CCDC192: variants seen among roughly 807,000 people sequenced by gnomAD.
The protein encoded by CCDC192 is coiled-coil domain-containing protein 192.
chr5:127,895,135 T>A (rs910322046), intron 6 of CCDC192, among the ~76,000 whole-genome samples: 6 of 152,228 alleles, frequency 3.9e-5, no homozygotes, highest in African/African-American at 1.4e-4. Context: ...CTATTCTTCC[T>A]GATGGTCTCC....
At chr5:127,868,791 A>G (rs1047127160) in intron 5 of CCDC192, among the ~76,000 whole-genome samples, 9 of 152,124 alleles carry the variant, frequency 5.9e-5, no homozygotes, top group Non-Finnish European at 8.8e-5. Context: ...CTGTCAAAAA[A>G]AAAAAGAGAG....
At chr5:127,783,648 G>A (rs1236673426) in intron 3 of CCDC192, among the ~76,000 whole-genome samples, 1 of 152,140 alleles carries the variant, frequency 6.6e-6, no homozygotes, top group Non-Finnish European at 1.5e-5. Context: ...TTTGTTCCAA[G>A]GTATAGCTTA....
intron 3 of CCDC192, among the ~76,000 whole-genome samples, chr5:127,792,099 C>A (rs143465963): frequency 6.6e-6 from 1 of 152,252 alleles, no homozygotes; most frequent in East Asian, 1.9e-4. Context: ...ATTGCTTGAG[C>A]TCAGGAATTT....
chr5:127,782,240 G>A lies in CCDC192; in HGVS notation c.223-14863G>A, dbSNP rs1756269239. On this transcript the variant is annotated intron_variant, in intron 3 of 6. Coordinates refer to ENST00000514853, the MANE Select transcript of CCDC192 (RefSeq NM_001317938.2). ...AACTAGTATTTTGTTAAGGATTTTAGCATCTATGTTCATCAGGGATATCGG... is the reference window on the plus strand; with the variant it reads ...AACTAGTATTTTGTTAAGGATTTTAACATCTATGTTCATCAGGGATATCGG... 2.0e-5 allele frequency among the ~76,000 whole-genome samples: 3 copies of A among 152,238 alleles called. No individual in the cohort carries two copies. In the East Asian group the frequency reaches 5.8e-4, roughly 29 times the overall value.
intron 2 of CCDC192, among the ~76,000 whole-genome samples, chr5:127,731,768 T>G (rs1274820618): frequency 1.3e-5 from 2 of 152,208 alleles, no homozygotes; most frequent in East Asian, 3.8e-4. Flanking sequence ...AAGGATTCCC[T>G]GTTTAATAAA....
At chr5:127,770,596 G>A (rs1005089489) in intron 3 of CCDC192, among the ~76,000 whole-genome samples, 1 of 152,166 alleles carries the variant, frequency 6.6e-6, no homozygotes, top group Admixed American at 6.5e-5. Flanking sequence ...CTGTTTTTCT[G>A]TATATTGGGC....
At chr5:127,919,109 A>G (rs1349863138) in intron 6 of CCDC192, among the ~76,000 whole-genome samples, 1 of 145,608 alleles carries the variant, frequency 6.9e-6, no homozygotes, top group Non-Finnish European at 1.5e-5. Flanking sequence ...GTGTGTACCT[A>G]TGCACATGTA....
At chr5:127,765,006 C>A (rs1316649928) in intron 3 of CCDC192, among the ~76,000 whole-genome samples, 1 of 152,172 alleles carries the variant, frequency 6.6e-6, no homozygotes, top group Non-Finnish European at 1.5e-5. Flanking sequence ...TCTGGAGTTA[C>A]ACCAATGCAA....
At chr5:127,867,205 A>G (rs1751648807) in intron 5 of CCDC192, among the ~76,000 whole-genome samples, 1 of 152,238 alleles carries the variant, frequency 6.6e-6, no homozygotes, top group Non-Finnish European at 1.5e-5. Context: ...GTCCTTGAAC[A>G]CATGCCTGTG....
intron 2 of CCDC192, among the ~76,000 whole-genome samples, chr5:127,752,658 G>A (rs1400447140): frequency 6.6e-6 from 1 of 152,218 alleles, no homozygotes; most frequent in Admixed American, 6.5e-5. Context: ...GAGCTTCCGG[G>A]CTGCTTTGTT....
chr5:127,797,875 G>T (rs1757269912), intron 4 of CCDC192, among the ~76,000 whole-genome samples: 1 of 149,916 alleles, frequency 6.7e-6, no homozygotes, highest in African/African-American at 2.5e-5. Flanking sequence ...TCTTACTCAG[G>T]CATATCCTAG....
intron 6 of CCDC192, among the ~76,000 whole-genome samples, chr5:127,910,283 G>A (rs910088586): frequency 2.0e-5 from 3 of 152,148 alleles, no homozygotes; most frequent in East Asian, 1.9e-4. Context: ...TGGGTCCTTC[G>A]AAGCTTTTGG....
chr5:127,828,210 T>G (rs188743841), intron 5 of CCDC192, among the ~76,000 whole-genome samples: 1 of 152,222 alleles, frequency 6.6e-6, no homozygotes, highest in Non-Finnish European at 1.5e-5. Flanking sequence ...CCTGGCAATT[T>G]GCTAAGAATT....
chr5:127,940,427 T>G (rs1754355438), intron 6 of CCDC192: 1 of 147,728 alleles, frequency 6.8e-6, no homozygotes, highest in African/African-American at 2.5e-5. Context: ...GAAAGGGCAA[T>G]GGCAACCTTT....
At chr5:127,801,118 G>A (rs747718435) in intron 5 of CCDC192, among the ~76,000 whole-genome samples, 10 of 152,112 alleles carry the variant, frequency 6.6e-5, no homozygotes, top group Non-Finnish European at 1.2e-4. Context: ...AACACTCACA[G>A]GGTGAGTGTG....
chr5:127,786,950 C>G, intron 3 of CCDC192: 1 of 396,264 alleles, frequency 2.5e-6, no homozygotes, highest in Non-Finnish European at 4.9e-6. Context: ...GCCACATGTA[C>G]ACCTGCTGGA....
chr5:127,744,143 AC>A (rs1386907905), intron 2 of CCDC192, among the ~76,000 whole-genome samples: 1 of 151,860 alleles, frequency 6.6e-6, no homozygotes, highest in Non-Finnish European at 1.5e-5. Context: ...AAAACGCTAA[AC>A]ACAAAAGAAC....
intron 2 of CCDC192, among the ~76,000 whole-genome samples, chr5:127,725,534 GAT>G (rs1481530007): frequency 3.9e-5 from 6 of 152,034 alleles, no homozygotes; most frequent in Admixed American, 2.6e-4. Flanking sequence ...ATATTAATAA[GAT>G]ATCTGATATT....
chr5:127,842,282 A>G (rs1189321305), intron 5 of CCDC192, among the ~76,000 whole-genome samples: 1 of 152,230 alleles, frequency 6.6e-6, no homozygotes, highest in Non-Finnish European at 1.5e-5. Flanking sequence ...CAGTACTATC[A>G]TAGCTCACTG....
Sources: gnomAD v4.1 joint callset for allele counts (sites outside exome capture counted in the v4.1 genomes callset) on GRCh38, gnomAD v4.1.1 for gene constraint, MANE v1.5 for transcripts, NCBI Gene and HGNC (gene_info 2026-07-23, HGNC 2026-07-21) for gene names.